The following NREP variants were observed in gnomAD, a reference collection of about 807,000 sequenced individuals.
NREP encodes neuronal regeneration-related protein.
Under a neutral mutation model 8.6 loss-of-function variants are expected in NREP, and 5 were observed. That is an observed-to-expected ratio of 0.58 (90% confidence interval 0.30 to 1.22). NREP has a LOEUF of 1.22. NREP is among the 50% of genes most tolerant of loss of function. NREP has a pLI of 0.07. For missense variants in NREP, 86 were observed against 82.5 expected (o/e 1.04, Z -0.17); for synonymous variants, 27 against 28.0 (o/e 0.96, Z 0.11).
chr5:111,828,558 A>T (rs535636139), intron 2 of NREP, among the ~76,000 whole-genome samples: 2 of 152,254 alleles, frequency 1.3e-5, no homozygotes, highest in South Asian at 4.2e-4. Flanking sequence ...GCTTAATTTC[A>T]CACTTAAGAG....
At chr5:111,877,820 C>T (rs1753946605) in intron 2 of NREP, among the ~76,000 whole-genome samples, 1 of 140,486 alleles carries the variant, frequency 7.1e-6, no homozygotes, top group African/African-American at 3.1e-5. Context: ...AGGGAAGAAG[C>T]TCAGACAGAC....
At chr5:111,817,590 G>A (rs1341123761) in intron 2 of NREP, among the ~76,000 whole-genome samples, 1 of 152,152 alleles carries the variant, frequency 6.6e-6, no homozygotes, top group East Asian at 1.9e-4. Flanking sequence ...TGGATCACGA[G>A]GTCAGGAGAT....
intron 2 of NREP, among the ~76,000 whole-genome samples, chr5:111,889,696 C>T (rs796626919): frequency 6.6e-6 from 1 of 152,254 alleles, no homozygotes; most frequent in African/African-American, 2.4e-5. Context: ...CTGTCACATG[C>T]GTCCGTGTGA....
At chr5:111,930,059 G>A (rs1035994068) in intron 2 of NREP, among the ~76,000 whole-genome samples, 5 of 152,212 alleles carry the variant, frequency 3.3e-5, no homozygotes, top group Non-Finnish European at 7.3e-5. Flanking sequence ...TAGACTTGGG[G>A]TGAGCAATGC....
intron 2 of NREP, among the ~76,000 whole-genome samples, chr5:111,834,897 A>C (rs1399880526): frequency 2.6e-5 from 4 of 152,170 alleles, no homozygotes; most frequent in Admixed American, 2.6e-4. Context: ...CTTTAGCAGG[A>C]GGTTCAGACC....
At chr5:111,781,347 A>G (rs1042663272) in intron 2 of NREP, among the ~76,000 whole-genome samples, 7 of 152,132 alleles carry the variant, frequency 4.6e-5, no homozygotes, top group Non-Finnish European at 8.8e-5. Context: ...TACGTGAGGA[A>G]GTCCATGCAA....
chr5:111,807,054 G>T lies in NREP; in HGVS notation c.136-71547C>A, dbSNP rs142077249. Reference sequence around the variant, plus strand: ...GAAAGTCTATTTTAAAAAAATGTGGGCTGGCAAATTTTGATGTCTTTACAA... The same window carrying T: ...GAAAGTCTATTTTAAAAAAATGTGGTCTGGCAAATTTTGATGTCTTTACAA... On this transcript the variant is annotated intron_variant, in intron 2 of 3. Coordinates refer to the NREP transcript ENST00000395634. Among the ~76,000 whole-genome samples, 767 of 152,044 alleles carry T rather than the reference G, an allele frequency of 5.0e-3. 22 individuals are homozygous for T. Among genetic ancestry groups the T allele is most frequent in the Admixed American group, 0.038 (580 of 15,272 alleles).
chr5:111,880,382 C>T (rs757700642), intron 2 of NREP, among the ~76,000 whole-genome samples: 2 of 152,184 alleles, frequency 1.3e-5, no homozygotes, highest in Non-Finnish European at 2.9e-5. Flanking sequence ...TATGTTTTCT[C>T]ATGATTCAGG....
chr5:111,910,803 A>AG (rs1252102054), intron 2 of NREP, among the ~76,000 whole-genome samples: 1 of 152,084 alleles, frequency 6.6e-6, no homozygotes, highest in Non-Finnish European at 1.5e-5. Flanking sequence ...GCCAGAAGCG[A>AG]GAGTTTGCTC....
chr5:111,932,743 T>G (rs753681151), intron 2 of NREP, among the ~76,000 whole-genome samples: 14 of 152,132 alleles, frequency 9.2e-5, no homozygotes, highest in Non-Finnish European at 2.1e-4. Flanking sequence ...AGCATGCCTC[T>G]GCCAACTAAA....
At chr5:111,949,840 T>G (rs1756103081) in intron 2 of NREP, among the ~76,000 whole-genome samples, 1 of 152,120 alleles carries the variant, frequency 6.6e-6, no homozygotes, top group South Asian at 2.1e-4. Context: ...TGATGGGCAT[T>G]TGGGTTGGTT....
chr5:111,884,888 G>A (rs1440327713), intron 2 of NREP, among the ~76,000 whole-genome samples: 1 of 152,164 alleles, frequency 6.6e-6, no homozygotes, highest in East Asian at 1.9e-4. Context: ...GGCAAAAAGT[G>A]GAAGCATTCC....
chr5:111,944,788 C>A (rs1042785584), intron 2 of NREP, among the ~76,000 whole-genome samples: 5 of 152,076 alleles, frequency 3.3e-5, no homozygotes, highest in African/African-American at 9.7e-5. Context: ...CTTCTTTGAG[C>A]CCCTGCTCAG....
intron 2 of NREP, among the ~76,000 whole-genome samples, chr5:111,943,241 G>A (rs2112620224): frequency 6.6e-6 from 1 of 152,092 alleles, no homozygotes; most frequent in South Asian, 2.1e-4. Context: ...GCATTCATCA[G>A]GTGCCGGTTA....
At chr5:111,758,336 A>C, upstream of NREP, 1 of 794,986 alleles carries the variant, frequency 1.3e-6, no homozygotes, top group Non-Finnish European at 1.5e-6. Flanking sequence ...ACGCTCCCCC[A>C]CTGCCTGCCC....
chr5:111,971,462 G>C (rs1261106081), intron 2 of NREP, among the ~76,000 whole-genome samples: 1 of 152,120 alleles, frequency 6.6e-6, no homozygotes, highest in South Asian at 2.1e-4. Flanking sequence ...CACACTACCT[G>C]ACTTCAAATA....
chr5:111,760,067 T>C (rs778692898), upstream of NREP, among the ~76,000 whole-genome samples: 17 of 152,346 alleles, frequency 1.1e-4, no homozygotes, highest in East Asian at 1.9e-4. Flanking sequence ...CACGCAAAGA[T>C]TGACTTCAGC....
At chr5:111,736,832 G>A (rs1190951016) in intron 2 of NREP, among the ~76,000 whole-genome samples, 1 of 152,082 alleles carries the variant, frequency 6.6e-6, no homozygotes. Context: ...CAAAAAGGTC[G>A]ACTTGCCCCA....
At chr5:111,788,230 G>GGGCCAAAAT (rs1751659227) in intron 2 of NREP, among the ~76,000 whole-genome samples, 1 of 152,118 alleles carries the variant, frequency 6.6e-6, no homozygotes, top group Admixed American at 6.6e-5. Flanking sequence ...TAGGTTCAAT[G>GGGCCAAAAT]GGCCAAAATG....
Sources: gnomAD v4.1 joint callset for allele counts (sites outside exome capture counted in the v4.1 genomes callset) on GRCh38, gnomAD v4.1.1 for gene constraint, MANE v1.5 for transcripts, NCBI Gene and HGNC (gene_info 2026-07-23, HGNC 2026-07-21) for gene names.